SPATS1: variants seen among roughly 807,000 people sequenced by gnomAD.
SPATS1 encodes the protein spermatogenesis associated serine rich 1.
Under a neutral mutation model 33.6 loss-of-function variants are expected in SPATS1, and 23 were observed. The ratio of observed to expected loss-of-function variants is 0.68; its 90% CI spans 0.49 to 0.97. SPATS1 has a LOEUF of 0.97. SPATS1 is among the 50% of genes least tolerant of loss of function. The probability of loss-of-function intolerance (pLI) is 0.00; values close to 1 mark genes in which losing one functional copy is unlikely to be tolerated. For missense variants in SPATS1, 327 were observed against 361.0 expected (o/e 0.91, Z 0.76); for synonymous variants, 131 against 125.6 (o/e 1.04, Z -0.29).
At chr6:44,350,839 C>G (rs1002432801) in intron 2 of SPATS1, among the ~76,000 whole-genome samples, 2 of 152,044 alleles carry the variant, frequency 1.3e-5, no homozygotes, top group South Asian at 2.1e-4. Flanking sequence ...AAGGAAACAA[C>G]AAGTCTGGGT....
chr6:44,353,175 G>A (rs1788344953), intron 3 of SPATS1, among the ~76,000 whole-genome samples: 1 of 152,194 alleles, frequency 6.6e-6, no homozygotes, highest in Non-Finnish European at 1.5e-5. Flanking sequence ...AGCAAGTTCT[G>A]TGTAAGTGCT....
Position 44,377,075 on chromosome 6 carries a change from C to T in SPATS1, c.*12C>T. On this transcript the variant is annotated 3_prime_UTR_variant, in exon 9 of 9. Transcript: ENST00000674044. ...CAAGACAATCCTGAGCATAAACAGGCCCACAAAACATGTGCTGACTGCACT... is the reference window on the plus strand; with the variant it reads ...CAAGACAATCCTGAGCATAAACAGGTCCACAAAACATGTGCTGACTGCACT... 11 of 1,614,184 alleles carry T rather than the reference C, an allele frequency of 6.8e-6. No homozygotes were observed. The highest frequency in any genetic ancestry group is 8.5e-6 in the Non-Finnish European group (10 of 1,180,008).
chr6:44,379,784 TA>T lies in SPATS1; in HGVS notation c.*2733del, dbSNP rs35925177. 3.1e-4 allele frequency among the ~76,000 whole-genome samples: 40 copies of T among 130,466 alleles called. No individual in the cohort carries two copies. The highest frequency in any genetic ancestry group is 1.9e-3 in the East Asian group (9 of 4,750). The allele number at this position is 130,466 out of a possible 152,430, so 85.6% of individuals were successfully genotyped here. A position where few individuals can be genotyped will look rare whatever the true frequency, so the allele number is the denominator to read the frequency against. ...TAATCCAGGCCGCAAAAACCATGAG[TA>T]AAAAAAAAAAACACAAAAAAACAAA... is the stretch of plus-strand genomic sequence containing the variant. On this transcript the variant is annotated 3_prime_UTR_variant, in exon 9 of 9. Coordinates refer to ENST00000674044, the MANE Select transcript of SPATS1 (RefSeq NM_001372081.1).
In SPATS1 at chr6:44,348,868, C is replaced by T. The variant is rs1285838626; in HGVS notation, c.140-3858C>T. Among the ~76,000 whole-genome samples, 3 of 152,150 alleles carry T rather than the reference C, an allele frequency of 2.0e-5. No individual in the cohort carries two copies. The East Asian group carries it at 5.8e-4, about 29-fold the overall frequency. On this transcript the variant is annotated intron_variant, in intron 2 of 8. Transcript: ENST00000674044. ...ACAAAAATTGGTCCTGGCGCCACTG[C>T]GCCTGTAATCCCAGCACTTTGGGAG... is the stretch of plus-strand genomic sequence containing the variant.
intron 5 of SPATS1, among the ~76,000 whole-genome samples, chr6:44,365,180 A>C (rs1367198058): frequency 6.6e-6 from 1 of 152,228 alleles, no homozygotes; most frequent in Non-Finnish European, 1.5e-5. Context: ...GCATTATTAT[A>C]TCAAAAAATC....
chr6:44,361,249 A>T, intron 4 of SPATS1: 1 of 724,928 alleles, frequency 1.4e-6, no homozygotes, highest in Non-Finnish European at 1.7e-6. Context: ...TAGCCATCTT[A>T]CAGGAAAAGT....
rs190200440 is a variant in SPATS1 at position 44,353,247 on chromosome 6, A to T, written c.287+374A>T. 5.9e-5 allele frequency among the ~76,000 whole-genome samples: 9 copies of T among 152,356 alleles called. No homozygotes were observed. The East Asian group carries it at 1.3e-3, about 23-fold the overall frequency. ...ATTTTTGGGATATGTACATACATACATGGGTGGTAAAACTTAAAGAAAAGC... is the reference window on the plus strand; with the variant it reads ...ATTTTTGGGATATGTACATACATACTTGGGTGGTAAAACTTAAAGAAAAGC... On this transcript the variant is annotated intron_variant, in intron 3 of 8. Transcript: ENST00000674044.
Position 44,376,464 on chromosome 6 carries a change from C to T in SPATS1, c.865C>T (p.His289Tyr). 6.2e-7 allele frequency: 1 copy of T among 1,605,290 alleles called. No individual in the cohort carries two copies. Among genetic ancestry groups the T allele is most frequent in the South Asian group, 1.1e-5 (1 of 89,152 alleles). ...QPAVPLMHML[H>Y]LSGALDFPRQ... ...AGCAGTGCCCTTAATGCACATGCTA[C>T]ACCTTTCTGGTGGGTTAAAGAAACT... The change falls in exon 8 of 9, where the codon CAC becomes TAC. Residue 289 changes from histidine (H) to tyrosine (Y), a missense_variant. Coordinates refer to ENST00000674044, the MANE Select transcript of SPATS1 (RefSeq NM_001372081.1).
At position 44,377,021 on chromosome 6, in the gene SPATS1, G is replaced by T. The variant is rs200579165; in HGVS notation, c.875-14G>T. 1.1e-5 allele frequency: 18 copies of T among 1,614,136 alleles called. No individual in the cohort carries two copies. Among genetic ancestry groups the T allele is most frequent in the Non-Finnish European group, 1.4e-5 (17 of 1,180,006 alleles). ...AATGGAAGAAAACCTGTAACTCCATGCCTCTATCCACAGGTGCTTTGGACT... is the reference window on the plus strand; with the variant it reads ...AATGGAAGAAAACCTGTAACTCCATTCCTCTATCCACAGGTGCTTTGGACT... On this transcript the variant is annotated splice_polypyrimidine_tract_variant and intron_variant, in intron 8 of 8. Transcript: ENST00000674044.
At chr6:44,342,996 G>A (rs1000365964) in intron 1 of SPATS1, 100 bp from the exon 2 acceptor site, 3 of 1,486,162 alleles carry the variant, frequency 2.0e-6, no homozygotes, top group Non-Finnish European at 2.8e-6. Flanking sequence ...CTGACTTTCG[G>A]TGGCTTGTGG....
At chr6:44,370,652 T>C (rs1221151046) in intron 7 of SPATS1, among the ~76,000 whole-genome samples, 2 of 152,216 alleles carry the variant, frequency 1.3e-5, no homozygotes, top group African/African-American at 2.4e-5. Flanking sequence ...TACTTTCTAA[T>C]ACAAAACAGT....
rs116320407 is a variant in SPATS1, at chr6:44,374,278, C to T, written c.759-2080C>T. On this transcript the variant is annotated intron_variant, in intron 7 of 8. Coordinates refer to ENST00000674044, the MANE Select transcript of SPATS1 (RefSeq NM_001372081.1). ...ATTGTTTAGCCCCTATATTTCCTTA[C>T]TTTTGTTCACTTGGCCTAGTTTGGA... Among the ~76,000 whole-genome samples, 541 of 152,284 alleles carry T rather than the reference C, an allele frequency of 3.6e-3. 4 individuals carry two copies. Among genetic ancestry groups the T allele is most frequent in the African/African-American group, 0.012 (489 of 41,556 alleles).
At chr6:44,343,376 A>G (rs1296956976) in intron 2 of SPATS1, 142 bp downstream of exon 2, 6 of 948,510 alleles carry the variant, frequency 6.3e-6, no homozygotes, top group South Asian at 1.4e-5. Context: ...CTGCTTGAAT[A>G]GTAGCTTATG....
intron 7 of SPATS1, among the ~76,000 whole-genome samples, chr6:44,372,488 G>C (rs1789687026): frequency 6.7e-6 from 1 of 150,168 alleles, no homozygotes; most frequent in African/African-American, 2.5e-5. Flanking sequence ...TTTTTAGATG[G>C]AGTCTCACTT....
intron 1 of SPATS1, 28 bp downstream of exon 1, chr6:44,342,796 CGGGCCTCCCCTGGGGAAG>C (rs897124694): frequency 1.6e-6 from 1 of 634,598 alleles, no homozygotes; most frequent in Non-Finnish European, 2.7e-6. Flanking sequence ...AGCACAGACC[CGGGCCTCCCCTGGGGAAG>C]GGGGTGGGAA....
intron 5 of SPATS1, among the ~76,000 whole-genome samples, chr6:44,367,406 G>A (rs1204033777): frequency 6.6e-6 from 1 of 152,198 alleles, no homozygotes; most frequent in Non-Finnish European, 1.5e-5. Context: ...CTCAATGCAT[G>A]GGTGCAGTTG....
intron 3 of SPATS1, among the ~76,000 whole-genome samples, chr6:44,355,365 T>C (rs1056272584): frequency 2.0e-5 from 3 of 152,212 alleles, no homozygotes; most frequent in Admixed American, 6.5e-5. Flanking sequence ...GAATATTCCA[T>C]TGTCTGGATG....
intron 2 of SPATS1, among the ~76,000 whole-genome samples, chr6:44,349,304 A>AAG (rs1788096349): frequency 6.6e-6 from 1 of 151,288 alleles, no homozygotes; most frequent in African/African-American, 2.4e-5. Flanking sequence ...AAAAAAAAAA[A>AAG]AAAAAAAAGA....
rs1047857820 is a variant in SPATS1, at chr6:44,377,973, G to A, written c.*910G>A. ...ATAGCAGTGAACTTTCATTGCTTTT[G>A]GTAAAACTTTTCATTTTATTAATAC... is the stretch of plus-strand genomic sequence containing the variant. On this transcript the variant is annotated 3_prime_UTR_variant, in exon 9 of 9. Coordinates refer to ENST00000674044, the MANE Select transcript of SPATS1 (RefSeq NM_001372081.1). 6.6e-6 allele frequency: 1 copy of A among 152,064 alleles called. No homozygotes were observed. The highest frequency in any genetic ancestry group is 1.5e-5 in the Non-Finnish European group (1 of 68,012). 9.4% of individuals were successfully genotyped at this position (152,064 alleles called of 1,614,324 possible).
Sources: gnomAD v4.1 joint callset for allele counts (sites outside exome capture counted in the v4.1 genomes callset) on GRCh38, gnomAD v4.1.1 for gene constraint, MANE v1.5 for transcripts, NCBI Gene and HGNC (gene_info 2026-07-23, HGNC 2026-07-21) for gene names.